LDB2: variants seen among roughly 807,000 people sequenced by gnomAD.
LDB2 encodes the protein LIM domain binding 2.
LDB2 carries 12 observed loss-of-function variants against 44.3 expected under a neutral mutation model. That is an observed-to-expected ratio of 0.27 (90% CI 0.17 to 0.44). The LOEUF (loss-of-function observed/expected upper bound fraction) is 0.44. Ranked by LOEUF, LDB2 falls within the 20% of genes least tolerant of loss-of-function variation. The probability of loss-of-function intolerance (pLI) is 1.00; values close to 1 mark genes in which losing one functional copy is unlikely to be tolerated. For synonymous variants in LDB2, 164 were observed against 174.8 expected (o/e 0.94, Z 0.49); for missense variants, 344 against 473.5 (o/e 0.73, Z 2.54).
At chr4:16,587,913 A>G (rs1717579187) in intron 4 of LDB2, among the ~76,000 whole-genome samples, 1 of 147,470 alleles carries the variant, frequency 6.8e-6, no homozygotes, top group Admixed American at 6.6e-5. Flanking sequence ...CTGGCAGAGT[A>G]AAAAAAAATC....
At chr4:16,847,569 A>G (rs1787278744) in intron 1 of LDB2, among the ~76,000 whole-genome samples, 1 of 152,174 alleles carries the variant, frequency 6.6e-6, no homozygotes. Context: ...AATACTTGGC[A>G]ATCATTGGTA....
chr4:16,638,752 A>G (rs537185206), intron 2 of LDB2, among the ~76,000 whole-genome samples: 2 of 152,334 alleles, frequency 1.3e-5, no homozygotes, highest in African/African-American at 4.8e-5. Context: ...ACATAAAGGT[A>G]GGCACCTCAC....
At chr4:16,698,172 T>C (rs157606) in intron 2 of LDB2, among the ~76,000 whole-genome samples, 77,145 of 152,038 alleles carry the variant, frequency 0.51, 19,836 homozygotes, top group East Asian at 0.78. Context: ...ACCCAGTTTC[T>C]TGTTGACAAA....
intron 2 of LDB2, among the ~76,000 whole-genome samples, chr4:16,690,732 T>G (rs994016914): frequency 1.9e-4 from 29 of 152,248 alleles, no homozygotes; most frequent in Non-Finnish European, 4.4e-5. Flanking sequence ...TAAGTTTGAT[T>G]AGAACTTCTA....
rs536622082 is a variant in LDB2, at chr4:16,722,830, G to A, written c.235+36328C>T. On this transcript the variant is annotated intron_variant, in intron 2 of 7. Transcript: ENST00000304523. ...GAGGGTAGGGTCTGTTTGGCATGAT[G>A]AGAAACAGCAAGAAGGCCCAGACAG... is the stretch of plus-strand genomic sequence containing the variant. 1.6e-4 allele frequency among the ~76,000 whole-genome samples: 25 copies of A among 152,234 alleles called. No homozygotes were observed. The East Asian group carries it at 2.9e-3, about 18-fold the overall frequency.
intron 2 of LDB2, among the ~76,000 whole-genome samples, chr4:16,689,949 A>G (rs1218664968): frequency 6.6e-6 from 1 of 152,154 alleles, no homozygotes; most frequent in East Asian, 1.9e-4. Context: ...CCTTAACACT[A>G]CCTCTAATGA....
At chr4:16,602,793 C>G (rs1722919332) in intron 2 of LDB2, among the ~76,000 whole-genome samples, 2 of 152,068 alleles carry the variant, frequency 1.3e-5, no homozygotes, top group South Asian at 2.1e-4. Flanking sequence ...ATGACCAAGA[C>G]AGACCCCACT....
At chr4:16,665,520 C>T (rs1425061593) in intron 2 of LDB2, among the ~76,000 whole-genome samples, 2 of 152,098 alleles carry the variant, frequency 1.3e-5, no homozygotes, top group African/African-American at 4.8e-5. Context: ...CCACCTCGGC[C>T]TCCCAAAGTG....
chr4:16,635,683 A>AT (rs1733396595), intron 2 of LDB2, among the ~76,000 whole-genome samples: 1 of 151,356 alleles, frequency 6.6e-6, no homozygotes, highest in Non-Finnish European at 1.5e-5. Context: ...AAGAAAAAAA[A>AT]ATAATAAAAA....
chr4:16,836,343 G>A (rs629782), intron 1 of LDB2, among the ~76,000 whole-genome samples: 21,285 of 152,156 alleles, frequency 0.14, 1,552 homozygotes, highest in South Asian at 0.18. Flanking sequence ...ATGGATAATG[G>A]GAGAACAAAC....
At chr4:16,885,215 G>A (rs957836502) in intron 1 of LDB2, among the ~76,000 whole-genome samples, 3 of 150,734 alleles carry the variant, frequency 2.0e-5, no homozygotes, top group Non-Finnish European at 4.4e-5. Flanking sequence ...GCATGCCTGT[G>A]GTCCCAGCTA....
chr4:16,529,169 G>A (rs574252928), intron 5 of LDB2, among the ~76,000 whole-genome samples: 37 of 152,196 alleles, frequency 2.4e-4, no homozygotes, highest in African/African-American at 8.9e-4. Flanking sequence ...AATGAGTAAC[G>A]GGCCCAAGGA....
At chr4:16,898,237 G>T (rs935336894) in intron 1 of LDB2, 117 bp downstream of exon 1, 11 of 980,884 alleles carry the variant, frequency 1.1e-5, no homozygotes, top group Non-Finnish European at 1.7e-5. Context: ...TCATTTCCAC[G>T]TACGTGGTAG....
intron 1 of LDB2, among the ~76,000 whole-genome samples, chr4:16,881,195 G>A (rs529127046): frequency 5.3e-5 from 8 of 152,312 alleles, no homozygotes; most frequent in African/African-American, 1.2e-4. Flanking sequence ...GAGAGGCAGC[G>A]GAGCTGACAA....
intron 2 of LDB2, among the ~76,000 whole-genome samples, chr4:16,599,452 G>GAC (rs1721969913): frequency 1.3e-5 from 2 of 152,054 alleles, no homozygotes; most frequent in Non-Finnish European, 2.9e-5. Flanking sequence ...AAAGAATTCA[G>GAC]GATAATCTGC....
At chr4:16,684,067 GGCA>G (rs1453193581) in intron 2 of LDB2, among the ~76,000 whole-genome samples, 1 of 152,194 alleles carries the variant, frequency 6.6e-6, no homozygotes, top group African/African-American at 2.4e-5. Context: ...GCAGCCAGCT[GGCA>G]GCAACTACTT....
chr4:16,848,818 C>T (rs908111065), intron 1 of LDB2, among the ~76,000 whole-genome samples: 1 of 152,118 alleles, frequency 6.6e-6, no homozygotes, highest in South Asian at 2.1e-4. Flanking sequence ...CCCATCCCCA[C>T]GGCCACCATC....
At chr4:16,882,102 T>A (rs1206023563) in intron 1 of LDB2, among the ~76,000 whole-genome samples, 1 of 152,236 alleles carries the variant, frequency 6.6e-6, no homozygotes, top group African/African-American at 2.4e-5. Context: ...AAAACCTCTG[T>A]CCTCGCTGCT....
chr4:16,550,852 C>T (rs1737404215), intron 5 of LDB2, among the ~76,000 whole-genome samples: 1 of 152,156 alleles, frequency 6.6e-6, no homozygotes, highest in South Asian at 2.1e-4. Context: ...TGGAAACTAC[C>T]TGTATGTCCA....
Sources: allele counts gnomAD v4.1 joint callset (sites outside exome capture counted in the v4.1 genomes callset), GRCh38; gene constraint gnomAD v4.1.1; transcripts MANE v1.5; gene names NCBI Gene and HGNC (gene_info 2026-07-23, HGNC 2026-07-21).